The following FNIP2 variants were observed in gnomAD, a reference collection of about 807,000 sequenced individuals.
The protein encoded by FNIP2 is folliculin-interacting protein 2.
Under a neutral mutation model 108.7 loss-of-function variants are expected in FNIP2, and 32 were observed. The ratio of observed to expected loss-of-function variants is 0.29; its 90% CI spans 0.22 to 0.40. FNIP2 has a LOEUF of 0.40. Among genes scored for constraint, FNIP2 ranks in the 10% least tolerant of loss-of-function variants. The pLI is 1.00. For synonymous variants in FNIP2, 480 were observed against 496.7 expected (o/e 0.97, Z 0.45); for missense variants, 1,202 against 1,381.6 (o/e 0.87, Z 2.06).
At chr4:158,836,670 G>A (rs1778820927) in intron 7 of FNIP2, 1 of 150,842 alleles carries the variant, frequency 6.6e-6, no homozygotes, top group South Asian at 2.1e-4. Flanking sequence ...AAAGAAATTA[G>A]CCAGGCGTGG....
chr4:158,870,030 T>A (rs1412771285), intron 13 of FNIP2, among the ~76,000 whole-genome samples: 1 of 152,230 alleles, frequency 6.6e-6, no homozygotes, highest in Non-Finnish European at 1.5e-5. Flanking sequence ...CCTGAAACAT[T>A]TTCTTTGGTC....
At chr4:158,874,754 G>A (rs910433051) in intron 14 of FNIP2, among the ~76,000 whole-genome samples, 2 of 151,844 alleles carry the variant, frequency 1.3e-5, no homozygotes, top group African/African-American at 4.8e-5. Flanking sequence ...CATTATTTTC[G>A]TAAAAATGAA....
At chr4:158,815,606 C>T (rs1777524200) in intron 1 of FNIP2, among the ~76,000 whole-genome samples, 2 of 152,070 alleles carry the variant, frequency 1.3e-5, no homozygotes, top group South Asian at 2.1e-4. Context: ...CCTCGTGATC[C>T]GCCAGCCTCG....
intron 12 of FNIP2, among the ~76,000 whole-genome samples, chr4:158,862,810 G>GA (rs1472716121): frequency 2.0e-5 from 3 of 152,060 alleles, no homozygotes; most frequent in South Asian, 2.1e-4. Context: ...TAATAGTCTT[G>GA]AAAAAAACTT....
chr4:158,838,363 G>T (rs1284387275), intron 7 of FNIP2, among the ~76,000 whole-genome samples: 1 of 151,092 alleles, frequency 6.6e-6, no homozygotes, highest in Non-Finnish European at 1.5e-5. Flanking sequence ...TAGGACTACA[G>T]GTACATACCA....
rs190383616 is a variant in FNIP2 at position 158,851,201 on chromosome 4, T to C, written c.728-120T>C. ...AGTGGCGAAGTGTACAGTTTAGTGA[T>C]ATTAAATACATAATAAATGTAGAGT... On this transcript the variant is annotated intron_variant, in intron 7 of 16. Transcript: ENST00000264433. The C allele has an allele frequency of 4.8e-4, 575 of 1,188,154 alleles. 3 individuals are homozygous for C. The African/African-American group carries it at 7.7e-3, about 16-fold the overall frequency. The allele number at this position is 1,188,154 out of a possible 1,614,324, so 73.6% of individuals were successfully genotyped here.
chr4:158,799,547 A>G (rs1776695296), intron 1 of FNIP2, among the ~76,000 whole-genome samples: 2 of 152,168 alleles, frequency 1.3e-5, no homozygotes, highest in Admixed American at 6.6e-5. Flanking sequence ...ATTTGCAGAG[A>G]ATGAGAGATC....
rs1340002459 is a variant in FNIP2, at chr4:158,904,578, A to G, written c.*34A>G. ...TCAGGACAGTTCTTCCTTGGAAGAA[A>G]AAAATCAAATTCTCAACTGAAGGAG... On this transcript the variant is annotated 3_prime_UTR_variant, in exon 17 of 17. Coordinates refer to ENST00000264433, the MANE Select transcript of FNIP2 (RefSeq NM_020840.3). The G allele has an allele frequency of 5.8e-6, 9 of 1,563,020 alleles. No homozygotes were observed. The highest frequency in any genetic ancestry group is 2.7e-5 in the African/African-American group (2 of 73,790).
At chr4:158,899,443 C>T (rs1344199808) in intron 16 of FNIP2, among the ~76,000 whole-genome samples, 1 of 151,876 alleles carries the variant, frequency 6.6e-6, no homozygotes, top group East Asian at 1.9e-4. Flanking sequence ...AGCTCCTGTA[C>T]ACTCTGGTAG....
chr4:158,788,986 G>A (rs2126445848), intron 1 of FNIP2, among the ~76,000 whole-genome samples: 1 of 152,338 alleles, frequency 6.6e-6, no homozygotes, highest in African/African-American at 2.4e-5. Context: ...CTGACTAAAA[G>A]TAATGAGAGT....
At chr4:158,895,631 TTTGAAACTGATGAGATAA>T in intron 15 of FNIP2, 101 bp from the exon 16 acceptor site, 1 of 655,472 alleles carries the variant, frequency 1.5e-6, no homozygotes, top group Non-Finnish European at 2.7e-6. Flanking sequence ...TTTAAGTGTA[TTTGAAACTGATGAGATAA>T]AAGCTGTGTA....
intron 1 of FNIP2, among the ~76,000 whole-genome samples, chr4:158,804,978 G>T (rs1310414593): frequency 6.6e-6 from 1 of 152,090 alleles, no homozygotes; most frequent in Non-Finnish European, 1.5e-5. Context: ...GCTATTTTTT[G>T]AGTTTATTTT....
intron 8 of FNIP2, among the ~76,000 whole-genome samples, chr4:158,856,181 C>T (rs1422863675): frequency 6.6e-6 from 1 of 152,112 alleles, no homozygotes; most frequent in Non-Finnish European, 1.5e-5. Flanking sequence ...GGTGTAATGT[C>T]CCAGGAAGCC....
At chr4:158,865,437 T>C (rs920069781) in intron 12 of FNIP2, among the ~76,000 whole-genome samples, 3 of 152,240 alleles carry the variant, frequency 2.0e-5, no homozygotes, top group African/African-American at 7.2e-5. Flanking sequence ...TAGCACTGGT[T>C]CCACTCACAT....
intron 8 of FNIP2, among the ~76,000 whole-genome samples, chr4:158,856,624 G>A (rs1045758797): frequency 4.6e-5 from 7 of 152,164 alleles, no homozygotes; most frequent in Non-Finnish European, 8.8e-5. Context: ...ATTAGGCATG[G>A]GGTCAGAATC....
intron 14 of FNIP2, among the ~76,000 whole-genome samples, chr4:158,891,059 G>A (rs1413793594): frequency 6.6e-6 from 1 of 152,186 alleles, no homozygotes; most frequent in Non-Finnish European, 1.5e-5. Flanking sequence ...GTCACCCCAG[G>A]ATAGTAGAAA....
intron 14 of FNIP2, among the ~76,000 whole-genome samples, chr4:158,880,664 T>A (rs1781541018): frequency 6.6e-6 from 1 of 152,238 alleles, no homozygotes; most frequent in Non-Finnish European, 1.5e-5. Flanking sequence ...ATAACCAGAT[T>A]TCTTTTCTCT....
rs77021217 is a variant in FNIP2 at position 158,846,962 on chromosome 4, G to A, written c.728-4359G>A. Among the ~76,000 whole-genome samples the A allele has an allele frequency of 5.2e-3, 792 of 152,298 alleles. 6 individuals carry two copies. The highest frequency in any genetic ancestry group is 0.018 in the African/African-American group (758 of 41,566). Reference sequence around the variant, plus strand: ...CCCCTGGACGTGTGGTGCAGAAAGGGAATCTGTGCACTTGGGGAGAAACTT... The same window carrying A: ...CCCCTGGACGTGTGGTGCAGAAAGGAAATCTGTGCACTTGGGGAGAAACTT... On this transcript the variant is annotated intron_variant, in intron 7 of 16. Transcript: ENST00000264433.
Position 158,907,468 on chromosome 4 carries a change from A to C in FNIP2, c.*2924A>C, listed in dbSNP as rs773967315. 6.6e-6 allele frequency: 1 copy of C among 152,126 alleles called. No individual in the cohort carries two copies. The highest frequency in any genetic ancestry group is 1.5e-5 in the Non-Finnish European group (1 of 68,042). 9.4% of individuals were successfully genotyped at this position (152,126 alleles called of 1,614,324 possible). On this transcript the variant is annotated 3_prime_UTR_variant, in exon 17 of 17. Coordinates refer to ENST00000264433, the MANE Select transcript of FNIP2 (RefSeq NM_020840.3). The stretch of plus-strand genomic sequence containing the variant: ...ATCCCCGCTTGCTAAATGATACTAA[A>C]CCGTTGTTTGGGCTCTTATAATTAG...
Sources: gnomAD v4.1 joint callset for allele counts (sites outside exome capture counted in the v4.1 genomes callset) on GRCh38, gnomAD v4.1.1 for gene constraint, MANE v1.5 for transcripts, NCBI Gene and HGNC (gene_info 2026-07-23, HGNC 2026-07-21) for gene names.